TOMM34: variants seen among roughly 807,000 people sequenced by gnomAD.
TOMM34 encodes the protein mitochondrial import receptor subunit TOM34.
A neutral mutation model predicts 37.4 loss-of-function variants in TOMM34; 24 were observed. The ratio of observed to expected loss-of-function variants is 0.64; its 90% CI spans 0.46 to 0.90. The LOEUF (loss-of-function observed/expected upper bound fraction) is 0.90. Ranked by LOEUF, TOMM34 falls within the 40% of genes least tolerant of loss-of-function variation. TOMM34 has a pLI of 0.00. For missense variants in TOMM34, 304 were observed against 375.6 expected, an observed-to-expected ratio of 0.81 and a Z score of 1.58; for synonymous variants, 154 against 148.9, an observed-to-expected ratio of 1.03 and a Z score of -0.25.
At chr20:44,952,110 C>T in intron 3 of TOMM34, 108 bp from the exon 4 acceptor site, 1 of 1,362,840 alleles carries the variant, frequency 7.3e-7, no homozygotes, top group Non-Finnish European at 9.8e-7. Flanking sequence ...CCAGAGCTGC[C>T]ACCCTCCCCC....
chr20:44,959,920 C>T (rs887568742), intron 1 of TOMM34: 9 of 985,272 alleles, frequency 9.1e-6, no homozygotes, highest in Non-Finnish European at 1.1e-5. Flanking sequence ...ATAACAGCTA[C>T]TCAACAAATA....
Position 44,951,363 on chromosome 20 carries a change from G to C in TOMM34, c.550+470C>G, listed in dbSNP as rs1364947228. Among the ~76,000 whole-genome samples the C allele has an allele frequency of 2.6e-5, 4 of 152,322 alleles. No individual in the cohort carries two copies. In the East Asian group the frequency reaches 7.7e-4, roughly 29 times the overall value. ...CTGACGCACAACAGAAAATAAAGCT[G>C]TGATAAGTACAGAAAAATGGAGTTA... is the stretch of plus-strand genomic sequence containing the variant. On this transcript the variant is annotated intron_variant, in intron 4 of 6. Coordinates refer to ENST00000372813, the MANE Select transcript of TOMM34 (RefSeq NM_006809.5).
rs1373107824 is a variant in TOMM34 at position 44,943,196 on chromosome 20, A to G, written c.843T>C (p.Phe281=). 6 of 1,614,174 alleles carry G rather than the reference A, an allele frequency of 3.7e-6. No individual in the cohort carries two copies. Among genetic ancestry groups the G allele is most frequent in the Non-Finnish European group, 5.1e-6 (6 of 1,180,020 alleles). The change falls in exon 7 of 7, where the codon TTT becomes TTC. Residue 281 remains phenylalanine, a synonymous_variant. Transcript: ENST00000372813. ...HKALKDYKSS[F]ADISNLLQIE... is the part of the protein sequence containing the mutation. ...TCTGTAGGAGGTTGCTGATGTCTGC[A>G]AAGCTGGATTTATAGTCCTAATAGA...
intron 6 of TOMM34, 68 bp downstream of exon 6, chr20:44,943,385 G>A (rs2066952347): frequency 6.8e-6 from 11 of 1,610,338 alleles, no homozygotes; most frequent in African/African-American, 1.3e-5. Context: ...GCTACACCCT[G>A]TAAATGGTGA....
chr20:44,948,873 A>T lies in TOMM34; in HGVS notation c.555T>A (p.Pro185=), dbSNP rs2067003011. The T allele has an allele frequency of 9.9e-6, 16 of 1,613,832 alleles. No homozygotes were observed. In the East Asian group the frequency reaches 3.6e-4, roughly 36 times the overall value. ...KETTATKNRV[P]SAGDVEKARV... ...TGGCTTTCTCCACATCCCCAGCAGA[A>T]GGCACTAGATACAAATTCAGAAGAG... Residue 185 remains proline, a synonymous_variant, in exon 5 of 7, where the codon CCT becomes CCA. Transcript: ENST00000372813.
intron 3 of TOMM34, among the ~76,000 whole-genome samples, chr20:44,954,596 G>A (rs1303714905): frequency 6.6e-6 from 1 of 152,160 alleles, no homozygotes; most frequent in Non-Finnish European, 1.5e-5. Context: ...AGACCAGAAA[G>A]GAATTGCACC....
In TOMM34 at chr20:44,960,238, G is replaced by A. The variant is rs375970042; in HGVS notation, c.96C>T (p.Tyr32=). Residue 32 remains tyrosine (Y), a synonymous_variant, in exon 1 of 7, where the codon TAC becomes TAT. Transcript: ENST00000372813. ...NGQYAEASAL[Y]GRALRVLQAQ... ...CCTGCAGCACCCGCAGCGCGCGGCC[G>A]TAGAGCGCGGAGGCCTCGGCGTACT... is the stretch of plus-strand genomic sequence containing the variant. 8.9e-6 allele frequency: 14 copies of A among 1,565,436 alleles called. 1 individual carries two copies. Among genetic ancestry groups the A allele is most frequent in the African/African-American group, 5.5e-5 (4 of 73,096 alleles).
chr20:44,945,034 C>T (rs1474129654), intron 5 of TOMM34, among the ~76,000 whole-genome samples: 1 of 152,170 alleles, frequency 6.6e-6, no homozygotes, highest in African/African-American at 2.4e-5. Context: ...AATGGTTTCG[C>T]TTTTTACATT....
intron 4 of TOMM34, among the ~76,000 whole-genome samples, chr20:44,950,551 G>C (rs1022933870): frequency 6.6e-6 from 1 of 152,194 alleles, no homozygotes; most frequent in Non-Finnish European, 1.5e-5. Flanking sequence ...GACCCTGAAA[G>C]AATGAAATCA....
intron 4 of TOMM34, among the ~76,000 whole-genome samples, chr20:44,949,296 G>A (rs1317071195): frequency 2.6e-5 from 4 of 152,144 alleles, no homozygotes; most frequent in African/African-American, 9.7e-5. Context: ...GAGTATGTAA[G>A]AAAGTACGGA....
intron 5 of TOMM34, 86 bp downstream of exon 5, chr20:44,948,644 G>A (rs2067000727): frequency 1.3e-6 from 2 of 1,513,656 alleles, no homozygotes; most frequent in African/African-American, 2.8e-5. Flanking sequence ...CTAAATGCTA[G>A]GGATGAAGGG....
In TOMM34 at chr20:44,960,225, G is replaced by C. The variant is rs1351481825; in HGVS notation, c.109C>G (p.Arg37Gly). Residue 37 changes from arginine (R) to glycine (G), a missense_variant, in exon 1 of 7, where the codon CGG becomes GGG. Physicochemically the swap from Arg to Gly is moderately radical, Grantham distance 125. Transcript: ENST00000372813. Reference protein sequence around the residue: ...EASALYGRALRVLQAQGSSDP... With the variant: ...EASALYGRALGVLQAQGSSDP... Reference sequence around the variant, plus strand: ...GTCGTACCTTGCGCCTGCAGCACCCGCAGCGCGCGGCCGTAGAGCGCGGAG... The same window carrying C: ...GTCGTACCTTGCGCCTGCAGCACCCCCAGCGCGCGGCCGTAGAGCGCGGAG... 1 of 1,559,896 alleles carries C rather than the reference G, an allele frequency of 6.4e-7. No homozygotes were observed. The highest frequency in any genetic ancestry group is 1.4e-5 in the African/African-American group (1 of 72,486).
At chr20:44,955,580 G>A in intron 2 of TOMM34, 1 of 464,170 alleles carries the variant, frequency 2.2e-6, no homozygotes, top group Non-Finnish European at 4.3e-6. Flanking sequence ...CAGATGGGGT[G>A]GTGTCTGAAT....
chr20:44,954,938 C>T (rs2067057699), intron 3 of TOMM34, 130 bp downstream of exon 3: 1 of 1,173,932 alleles, frequency 8.5e-7, no homozygotes, highest in Non-Finnish European at 1.2e-6. Flanking sequence ...GCTTCCCCTA[C>T]ATGCCCATCG....
rs1319951020 is a variant in TOMM34 at position 44,943,172 on chromosome 20, C to G, written c.867G>C (p.Gln289His). ...GTGCAGGACCATTCCTAGGCTCAAT[C>G]TGTAGGAGGTTGCTGATGTCTGCAA... The part of the protein sequence containing the change: ...SSFADISNLL[Q>H]IEPRNGPAQK... Residue 289 changes from glutamine to histidine, a missense_variant, in exon 7 of 7, where the codon CAG (glutamine) becomes CAC (histidine). Gln to His is a conservative substitution (Grantham distance 24). Transcript: ENST00000372813. The G allele has an allele frequency of 8.7e-6, 14 of 1,614,146 alleles. No homozygotes were observed. The highest frequency in any genetic ancestry group is 1.6e-4 in the Middle Eastern group (1 of 6,062).
At chr20:44,947,109 A>G (rs762453249) in intron 5 of TOMM34, among the ~76,000 whole-genome samples, 4 of 152,246 alleles carry the variant, frequency 2.6e-5, no homozygotes, top group Non-Finnish European at 5.9e-5. Flanking sequence ...GTCCAGCAGC[A>G]TAAGGTAAGC....
intron 1 of TOMM34, among the ~76,000 whole-genome samples, chr20:44,957,285 C>G (rs947887484): frequency 6.6e-6 from 1 of 152,020 alleles, no homozygotes; most frequent in Non-Finnish European, 1.5e-5. Flanking sequence ...CTCCTGGGTT[C>G]AAGCAATTCT....
intron 5 of TOMM34, among the ~76,000 whole-genome samples, chr20:44,945,585 G>C (rs529881304): frequency 5.5e-4 from 84 of 152,166 alleles, no homozygotes; most frequent in Non-Finnish European, 1.0e-3. Flanking sequence ...ACATGAAAAG[G>C]CTGCTAAGAA....
chr20:44,956,535 A>G, intron 1 of TOMM34, 50 bp from the exon 2 acceptor site: 2 of 1,569,470 alleles, frequency 1.3e-6, no homozygotes, highest in Non-Finnish European at 8.8e-7. Flanking sequence ...TGGGTGCCTC[A>G]GGGCATTAGG....
Sources: allele counts gnomAD v4.1 joint callset (sites outside exome capture counted in the v4.1 genomes callset), GRCh38; gene constraint gnomAD v4.1.1; transcripts MANE v1.5; gene names NCBI Gene and HGNC (gene_info 2026-07-23, HGNC 2026-07-21).